GPHN: variants seen among roughly 807,000 people sequenced by gnomAD.
GPHN encodes gephyrin.
In GPHN, 17 loss-of-function variants were observed where a neutral mutation model predicts 95.5. That is an observed-to-expected ratio of 0.18 (90% CI 0.12 to 0.27). The LOEUF (loss-of-function observed/expected upper bound fraction) is 0.27, where lower values mean the gene tolerates loss of function less well. Among genes scored for constraint, GPHN ranks in the 10% least tolerant of loss-of-function variants. The pLI is 1.00. For missense variants in GPHN, 660 were observed against 978.1 expected, an observed-to-expected ratio of 0.67 and a Z score of 4.34; for synonymous variants, 320 against 322.5, an observed-to-expected ratio of 0.99 and a Z score of 0.08.
chr14:66,551,327 C>T (rs144227914), intron 1 of GPHN: 3 of 152,174 alleles, frequency 2.0e-5, no homozygotes, highest in Admixed American at 2.0e-4. Context: ...ACTACTCTTT[C>T]CTTGTTTATC....
intron 11 of GPHN, among the ~76,000 whole-genome samples, chr14:67,065,227 A>G (rs1367827485): frequency 3.3e-5 from 5 of 152,170 alleles, no homozygotes; most frequent in African/African-American, 1.2e-4. Context: ...TTCAGTTTCC[A>G]TGTGCTTGTG....
chr14:67,382,630 G>A, the GPHN span: 2 of 1,610,628 alleles, frequency 1.2e-6, no homozygotes, highest in African/African-American at 1.3e-5. Flanking sequence ...GACTCAGGAG[G>A]TTCCTAAAAG....
the GPHN span, among the ~76,000 whole-genome samples, chr14:67,641,691 G>C: frequency 6.6e-6 from 1 of 152,174 alleles, no homozygotes; most frequent in African/African-American, 2.4e-5. Context: ...CATAATCCCA[G>C]CACTTTGGGA....
At chr14:67,115,864 A>AAACTTGCCCCAGTATT (rs2078658850) in intron 16 of GPHN, among the ~76,000 whole-genome samples, 1 of 152,212 alleles carries the variant, frequency 6.6e-6, no homozygotes, top group African/African-American at 2.4e-5. Flanking sequence ...GTATACTCTA[A>AAACTTGCCCCAGTATT]AACTTGCCCC....
rs924858764 is a variant in GPHN at position 66,703,659 on chromosome 14, A to C, written c.143+22474A>C. On this transcript the variant is annotated intron_variant, in intron 2 of 22. Coordinates refer to ENST00000478722, the MANE Select transcript of GPHN (RefSeq NM_020806.5). ...GAAGCACTAAATACGGAAAGGAAAA[A>C]CCGGTATCAGCCACTGCACAAACAC... Among the ~76,000 whole-genome samples the C allele has an allele frequency of 3.3e-4, 32 of 97,298 alleles. 1 individual carries two copies. Among genetic ancestry groups the C allele is most frequent in the African/African-American group, 2.6e-3 (32 of 12,520 alleles). 63.8% of individuals were successfully genotyped at this position (97,298 alleles called of 152,430 possible). A position where few individuals can be genotyped will look rare whatever the true frequency, so the allele number is the denominator to read the frequency against.
At chr14:66,683,018 A>G (rs1037746506) in intron 2 of GPHN, among the ~76,000 whole-genome samples, 5 of 151,892 alleles carry the variant, frequency 3.3e-5, no homozygotes, top group Non-Finnish European at 7.4e-5. Context: ...TCTAAAAAAA[A>G]AATTCATCTC....
chr14:67,368,505 A>T, the GPHN span, among the ~76,000 whole-genome samples: 35 of 152,160 alleles, frequency 2.3e-4, no homozygotes, highest in Non-Finnish European at 7.3e-5. Context: ...AATAAAATAT[A>T]TAGTTAATAC....
At chr14:66,729,848 T>G (rs1016475260) in intron 2 of GPHN, among the ~76,000 whole-genome samples, 6 of 152,194 alleles carry the variant, frequency 3.9e-5, no homozygotes, top group African/African-American at 1.4e-4. Flanking sequence ...GAGTAGTAAT[T>G]CCCATTTTTT....
chr14:67,230,169 G>A, the GPHN span, among the ~76,000 whole-genome samples: 5 of 152,184 alleles, frequency 3.3e-5, no homozygotes, highest in Non-Finnish European at 5.9e-5. Context: ...CAGGTAGAAA[G>A]CTATAACTAT....
At chr14:67,519,311 A>C in the GPHN span, among the ~76,000 whole-genome samples, 5 of 152,246 alleles carry the variant, frequency 3.3e-5, no homozygotes, top group African/African-American at 1.2e-4. Flanking sequence ...CGCATATTTA[A>C]AGGGAATGCT....
At chr14:67,640,537 G>C in the GPHN span, among the ~76,000 whole-genome samples, 1 of 152,158 alleles carries the variant, frequency 6.6e-6, no homozygotes, top group Non-Finnish European at 1.5e-5. Flanking sequence ...TCAAGAGGTA[G>C]AGCTCAAAAT....
At chr14:67,659,727 T>C in the GPHN span, 1 of 1,586,632 alleles carries the variant, frequency 6.3e-7, no homozygotes, top group Non-Finnish European at 8.6e-7. Flanking sequence ...CAGCTAAAAC[T>C]TACCATATGC....
At chr14:66,855,368 G>A (rs2062756949) in intron 4 of GPHN, among the ~76,000 whole-genome samples, 1 of 152,000 alleles carries the variant, frequency 6.6e-6, no homozygotes, top group African/African-American at 2.4e-5. Flanking sequence ...TCATGTAAGT[G>A]CAGCCACACA....
the GPHN span, among the ~76,000 whole-genome samples, chr14:67,633,004 T>G: frequency 6.6e-6 from 1 of 151,764 alleles, no homozygotes; most frequent in Admixed American, 6.6e-5. Context: ...GTATTTTTAG[T>G]AGAGACAGTG....
At chr14:66,774,573 T>C (rs898796724) in intron 2 of GPHN, among the ~76,000 whole-genome samples, 4 of 152,224 alleles carry the variant, frequency 2.6e-5, no homozygotes, top group Non-Finnish European at 5.9e-5. Flanking sequence ...AACCTATGTA[T>C]ATTTTTTCTC....
At chr14:67,378,424 CTAT>C in the GPHN span, among the ~76,000 whole-genome samples, 64 of 148,354 alleles carry the variant, frequency 4.3e-4, no homozygotes, top group Non-Finnish European at 7.5e-4. Context: ...GGTATAAATG[CTAT>C]TATTATCCTT....
chr14:67,671,415 A>C, the GPHN span, among the ~76,000 whole-genome samples: 6 of 152,000 alleles, frequency 3.9e-5, no homozygotes, highest in Admixed American at 3.3e-4. Flanking sequence ...AATCCCAGCT[A>C]CTCGGAAGGC....
chr14:67,338,864 G>GA, the GPHN span: 40 of 934,048 alleles, frequency 4.3e-5, no homozygotes, highest in African/African-American at 3.5e-4. Context: ...CACATACCTA[G>GA]AAAAAAACCT....
At chr14:66,992,422 T>A (rs988659941) in intron 9 of GPHN, among the ~76,000 whole-genome samples, 6 of 152,192 alleles carry the variant, frequency 3.9e-5, no homozygotes, top group Admixed American at 3.3e-4. Flanking sequence ...ACCTTTTTAA[T>A]AAGTGTTAAG....
Sources: allele counts gnomAD v4.1 joint callset (sites outside exome capture counted in the v4.1 genomes callset), GRCh38; gene constraint gnomAD v4.1.1; transcripts MANE v1.5; gene names NCBI Gene and HGNC (gene_info 2026-07-23, HGNC 2026-07-21).